GPT: variants seen among roughly 807,000 people sequenced by gnomAD.
The protein encoded by GPT is glutamic--pyruvic transaminase.
A neutral mutation model predicts 51.4 loss-of-function variants in GPT; 60 were observed. That is an observed-to-expected ratio of 1.17 (90% CI 0.95 to 1.45). The LOEUF (loss-of-function observed/expected upper bound fraction) is 1.45. Ranked by LOEUF, GPT falls within the 40% of genes most tolerant of loss-of-function variation. GPT has a pLI of 0.00. For missense variants in GPT, 853 were observed against 704.0 expected (o/e 1.21, Z -2.40); for synonymous variants, 397 against 303.1 (o/e 1.31, Z -3.22).
Position 144,505,046 on chromosome 8 carries a change from C to A in GPT, c.410C>A (p.Ala137Glu). Residue 137 changes from alanine to glutamate, a missense_variant, in exon 4 of 11, where the codon GCG (alanine) becomes GAG (glutamate). Coordinates refer to ENST00000394955, the MANE Select transcript of GPT (RefSeq NM_005309.3). ...ATCCAGCTGATCCGGGAGGACGTGGCGCGGTACATTGAGAGGCGTGACGGA... is the reference window on the plus strand; with the variant it reads ...ATCCAGCTGATCCGGGAGGACGTGGAGCGGTACATTGAGAGGCGTGACGGA... ...SGIQLIREDVARYIERRDGGI... is the reference protein window; with the variant it reads ...SGIQLIREDVERYIERRDGGI... 1 of 1,613,156 alleles carries A rather than the reference C, an allele frequency of 6.2e-7. No individual in the cohort carries two copies. The highest frequency in any genetic ancestry group is 8.5e-7 in the Non-Finnish European group (1 of 1,180,004).
chr8:144,506,752 A>G lies in GPT; in HGVS notation c.1309A>G (p.Met437Val). The change falls in exon 10 of 11, where the codon ATG becomes GTG. Residue 437 changes from methionine (M) to valine (V), a missense_variant. By Grantham distance (21) the Met-to-Val change is conservative. Coordinates refer to ENST00000394955, the MANE Select transcript of GPT (RefSeq NM_005309.3). This position sits in a 1 kb window ranked among gnomAD's most constrained non-coding sequence, Gnocchi z 7.0. ...RAQELGLAPD[M>V]FFCLRLLEET... The stretch of plus-strand genomic sequence containing the variant: ...ACAGGAGCTGGGCCTGGCCCCCGAT[A>G]TGTTCTTCTGCCTGCGCCTCCTGGA... 6.2e-7 allele frequency: 1 copy of G among 1,611,902 alleles called. No individual in the cohort carries two copies. Among genetic ancestry groups the G allele is most frequent in the Non-Finnish European group, 8.5e-7 (1 of 1,179,878 alleles).
At position 144,504,663 on chromosome 8, in the gene GPT, G is replaced by A. The variant is rs200913027; in HGVS notation, c.222G>A (p.Met74Ile). 6.2e-7 allele frequency: 1 copy of A among 1,613,314 alleles called. No homozygotes were observed. The highest frequency in any genetic ancestry group is 1.3e-5 in the African/African-American group (1 of 75,046). ...CCAACATCGGGGACGCACAGGCTAT[G>A]GGGCAGAGGCCCATCACCTTCCTGC... ...IRANIGDAQA[M>I]GQRPITFLRQ... The change falls in exon 2 of 11, where the codon ATG becomes ATA. Residue 74 changes from methionine to isoleucine, a missense_variant. Transcript: ENST00000394955.
Position 144,506,998 on chromosome 8 carries a change from T to C in GPT, c.1489T>C (p.Ter497ArgextTer?). 6.3e-7 allele frequency: 1 copy of C among 1,591,052 alleles called. No homozygotes were observed. The highest frequency in any genetic ancestry group is 1.1e-5 in the South Asian group (1 of 90,764). ...TGCCAAGTTCACCCTCGAGTACTCCTGAGCACCCCAGCTGGGGCCAGGCTG... is the reference window on the plus strand; with the variant it reads ...TGCCAAGTTCACCCTCGAGTACTCCCGAGCACCCCAGCTGGGGCCAGGCTG... ...FHAKFTLEYS[*>R] Residue 497 changes from the stop codon to arginine, a stop_lost, in exon 11 of 11, where the codon TGA (stop) becomes CGA (arginine). Coordinates refer to ENST00000394955, the MANE Select transcript of GPT (RefSeq NM_005309.3). This position sits in a 1 kb window ranked among gnomAD's most constrained non-coding sequence, Gnocchi z 7.0.
At chr8:144,505,201 C>T (rs748933417) in intron 4 of GPT, 45 bp from the exon 5 acceptor site, 9 of 1,612,112 alleles carry the variant, frequency 5.6e-6, no homozygotes, top group South Asian at 2.2e-5. Flanking sequence ...GGGACAGGTG[C>T]GGCCCCAGGC....
chr8:144,504,972 TC>T (rs1215457533), intron 3 of GPT, 25 bp from the exon 4 acceptor site: 1 of 1,612,894 alleles, frequency 6.2e-7, no homozygotes, highest in South Asian at 1.1e-5. Context: ...CACCTGTACT[TC>T]CCATCCTGTC....
chr8:144,506,784 C>A lies in GPT; in HGVS notation c.1341C>A (p.Thr447=), dbSNP rs374457286. The A allele has an allele frequency of 6.2e-7, 1 of 1,612,444 alleles. No individual in the cohort carries two copies. Among genetic ancestry groups the A allele is most frequent in the African/African-American group, 1.3e-5 (1 of 74,926 alleles). The change falls in exon 10 of 11, where the codon ACC becomes ACA. Residue 447 remains threonine (T), a synonymous_variant. Coordinates refer to ENST00000394955, the MANE Select transcript of GPT (RefSeq NM_005309.3). The surrounding 1 kb of genome is among the most constrained non-coding windows in gnomAD (Gnocchi z 7.0). ...MFFCLRLLEE[T]GICVVPGSGF... ...TCTGCCTGCGCCTCCTGGAGGAGAC[C>A]GGCATCTGCGTGGTGCCAGGGAGCG... is the stretch of plus-strand genomic sequence containing the variant.
chr8:144,503,783 G>C (rs1358530653), upstream of GPT: 2 of 173,320 alleles, frequency 1.2e-5, no homozygotes, highest in Non-Finnish European at 2.5e-5. Context: ...GCCCTGCTGG[G>C]GTAAATCCCA....
At chr8:144,505,732 C>T (rs1826765525) in intron 5 of GPT, 116 bp from the exon 6 acceptor site, 3 of 912,598 alleles carry the variant, frequency 3.3e-6, no homozygotes, top group South Asian at 1.5e-5. Flanking sequence ...CCACTCCTCC[C>T]GCACCCACGT....
In GPT at chr8:144,505,026, G is replaced by A. The variant is rs1192455592; in HGVS notation, c.390G>A (p.Gln130=). Residue 130 remains glutamine, a synonymous_variant, in exon 4 of 11, where the codon CAG becomes CAA. Transcript: ENST00000394955. ...CCTACAGCGTCAGCTCCGGCATCCA[G>A]CTGATCCGGGAGGACGTGGCGCGGT... ...LGAYSVSSGI[Q]LIREDVARYI... 10 of 1,613,060 alleles carry A rather than the reference G, an allele frequency of 6.2e-6. No homozygotes were observed. The Middle Eastern group carries it at 8.2e-4, about 133-fold the overall frequency.
At chr8:144,503,834 C>T (rs990955278), upstream of GPT, 4 of 201,038 alleles carry the variant, frequency 2.0e-5, no homozygotes, top group Non-Finnish European at 4.1e-5. Context: ...TCCCTCCTTG[C>T]CAGCTCTGCC....
rs1171672462 is a variant in GPT at position 144,506,730 on chromosome 8, G to A, written c.1288-1G>A. The A allele has an allele frequency of 1.2e-6, 2 of 1,611,020 alleles. No individual in the cohort carries two copies. The highest frequency in any genetic ancestry group is 1.7e-5 in the Admixed American group (1 of 59,970). On this transcript the variant is annotated splice_acceptor_variant, in intron 9 of 10. Transcript: ENST00000394955. LOFTEE classifies it high-confidence loss of function. This position sits in a 1 kb window ranked among gnomAD's most constrained non-coding sequence, Gnocchi z 7.0. Reference sequence around the variant, plus strand: ...CCTCTCTGACGGCTCTCCGTCCACAGGAGCTGGGCCTGGCCCCCGATATGT... The same window carrying A: ...CCTCTCTGACGGCTCTCCGTCCACAAGAGCTGGGCCTGGCCCCCGATATGT...
rs772581592 is a variant in GPT at position 144,504,413 on chromosome 8, G to C, written c.109G>C (p.Val37Leu). ...NPRVRRVEYA[V>L]RGPIVQRALE... ...GCGTGTGCGGAGAGTGGAGTACGCAGTGCGTGGCCCCATAGTGCAGCGAGC... is the reference window on the plus strand; with the variant it reads ...GCGTGTGCGGAGAGTGGAGTACGCACTGCGTGGCCCCATAGTGCAGCGAGC... The change falls in exon 1 of 11, where the codon GTG (valine) becomes CTG (leucine). Residue 37 changes from valine to leucine, a missense_variant. Coordinates refer to ENST00000394955, the MANE Select transcript of GPT (RefSeq NM_005309.3). The C allele has an allele frequency of 1.9e-6, 3 of 1,611,592 alleles. No individual in the cohort carries two copies. Among genetic ancestry groups the C allele is most frequent in the East Asian group, 2.2e-5 (1 of 44,888 alleles).
Position 144,506,350 on chromosome 8 carries a change from G to T in GPT, c.1075G>T (p.Asp359Tyr), listed in dbSNP as rs1826806032. The T allele has an allele frequency of 2.5e-6, 4 of 1,576,508 alleles. No individual in the cohort carries two copies. The highest frequency in any genetic ancestry group is 3.4e-6 in the Non-Finnish European group (4 of 1,165,178). ...CPPVPGQALL[D>Y]LVVSPPAPTD... ...GCCGGTGCCAGGACAGGCCCTGCTG[G>T]ACCTGGTGGTCAGCCCGCCCGCGCC... The change falls in exon 8 of 11, where the codon GAC becomes TAC. Residue 359 changes from aspartate (D) to tyrosine (Y), a missense_variant. Coordinates refer to ENST00000394955, the MANE Select transcript of GPT (RefSeq NM_005309.3). The surrounding 1 kb of genome is among the most constrained non-coding windows in gnomAD (Gnocchi z 7.0).
Position 144,506,363 on chromosome 8 carries a change from G to T in GPT, c.1088G>T (p.Ser363Ile), listed in dbSNP as rs772512733. The change falls in exon 8 of 11, where the codon AGC becomes ATC. Residue 363 changes from serine (S) to isoleucine (I), a missense_variant. Ser to Ile is a moderately radical substitution (Grantham distance 142). Coordinates refer to ENST00000394955, the MANE Select transcript of GPT (RefSeq NM_005309.3). The surrounding 1 kb of genome is among the most constrained non-coding windows in gnomAD (Gnocchi z 7.0). ...PGQALLDLVV[S>I]PPAPTDPSFA... is the part of the protein sequence containing the mutation. ...CAGGCCCTGCTGGACCTGGTGGTCA[G>T]CCCGCCCGCGCCCACCGACCCCTCC... The T allele has an allele frequency of 6.4e-7, 1 of 1,563,228 alleles. No individual in the cohort carries two copies. Among genetic ancestry groups the T allele is most frequent in the Non-Finnish European group, 8.6e-7 (1 of 1,158,264 alleles).
Position 144,505,295 on chromosome 8 carries a change from T to TGCTC in GPT, c.546_549dup (p.Ile184AlafsTer48), listed in dbSNP as rs1471013606. The TGCTC allele has an allele frequency of 1.3e-6, 2 of 1,576,098 alleles. No homozygotes were observed. The highest frequency in any genetic ancestry group is 2.7e-5 in the African/African-American group (2 of 74,070). ...GGCGAGGGCCACACACGCACGGGTG[T>TGCTC]GCTCATCCCCATCCCCCAGTACCCA... On this transcript the variant is annotated frameshift_variant, in exon 5 of 11. Transcript: ENST00000394955. LOFTEE classifies it high-confidence loss of function.
In GPT at chr8:144,506,619, G is replaced by A. The variant is rs758578129; in HGVS notation, c.1250G>A (p.Arg417His). 5.1e-6 allele frequency: 8 copies of A among 1,560,712 alleles called. No individual in the cohort carries two copies. Among genetic ancestry groups the A allele is most frequent in the Non-Finnish European group, 6.9e-6 (8 of 1,152,450 alleles). Residue 417 changes from arginine (R) to histidine (H), a missense_variant, in exon 9 of 11, where the codon CGC (arginine) becomes CAC (histidine). Transcript: ENST00000394955. The surrounding 1 kb of genome is among the most constrained non-coding windows in gnomAD (Gnocchi z 7.0). ...CAGGGCGCCATGTACTCCTTCCCGCGCGTGCAGCTGCCCCCGCGGGCGGTG... is the reference window on the plus strand; with the variant it reads ...CAGGGCGCCATGTACTCCTTCCCGCACGTGCAGCTGCCCCCGCGGGCGGTG... ...PVQGAMYSFP[R>H]VQLPPRAVER...
rs939899202 is a variant in GPT, at chr8:144,506,268, C to T, written c.993C>T (p.Asn331=). The T allele has an allele frequency of 1.7e-5, 28 of 1,605,710 alleles. No homozygotes were observed. Among genetic ancestry groups the T allele is most frequent in the Non-Finnish European group, 2.3e-5 (27 of 1,178,802 alleles). The change falls in exon 8 of 11, where the codon AAC becomes AAT. Residue 331 remains asparagine, a synonymous_variant. Coordinates refer to ENST00000394955, the MANE Select transcript of GPT (RefSeq NM_005309.3). This position sits in a 1 kb window ranked among gnomAD's most constrained non-coding sequence, Gnocchi z 7.0. ...GCGGCGGCTATGTGGAGGTGGTGAA[C>T]ATGGACGCTGCAGTGCAGCAGCAGA... ...GFRGGYVEVV[N]MDAAVQQQML... is the part of the protein sequence containing the mutation.
At position 144,506,075 on chromosome 8, in the gene GPT, C is replaced by T. The variant is rs532637254; in HGVS notation, c.900C>T (p.Tyr300=). 8.1e-6 allele frequency: 13 copies of T among 1,612,402 alleles called. No individual in the cohort carries two copies. The highest frequency in any genetic ancestry group is 2.2e-5 in the East Asian group (1 of 44,866). The change falls in exon 7 of 11, where the codon TAC becomes TAT. Residue 300 remains tyrosine (Y), a synonymous_variant. Transcript: ENST00000394955. This position sits in a 1 kb window ranked among gnomAD's most constrained non-coding sequence, Gnocchi z 7.0. ...TGCTCATGGAGATGGGGCCGCCCTA[C>T]GCCGGGCAGCAGGAGCTTGCCTCCT... ...KKVLMEMGPP[Y]AGQQELASFH...
chr8:144,504,503 A>G (rs747447603), intron 1 of GPT, 37 bp downstream of exon 1: 4 of 1,608,416 alleles, frequency 2.5e-6, no homozygotes, highest in Non-Finnish European at 3.4e-6. Context: ...TCCAGGTCAC[A>G]ATGGGGTGGC....
Sources: gnomAD v4.1 joint callset for allele counts on GRCh38, gnomAD v4.1.1 for gene constraint, Gnocchi (gnomAD v3.1) non-coding constraint, MANE v1.5 for transcripts, NCBI Gene and HGNC (gene_info 2026-07-23, HGNC 2026-07-21) for gene names.